Variants in ESRRG observed in about 807,000 individuals in gnomAD.
The protein encoded by ESRRG is estrogen related receptor gamma.
Under a neutral mutation model 44.0 loss-of-function variants are expected in ESRRG, and 13 were observed. That is an observed-to-expected ratio of 0.30 (90% CI 0.19 to 0.47). ESRRG has a LOEUF of 0.47. Among genes scored for constraint, ESRRG ranks in the 20% least tolerant of loss-of-function variants. The pLI, the probability that ESRRG is intolerant of heterozygous loss-of-function variation, is 1.00. For synonymous variants in ESRRG, 215 were observed against 214.6 expected (o/e 1.00, Z -0.02); for missense variants, 395 against 580.6 (o/e 0.68, Z 3.29).
At chr1:216,930,174 C>G (rs190868123) in intron 2 of ESRRG, among the ~76,000 whole-genome samples, 1 of 152,252 alleles carries the variant, frequency 6.6e-6, no homozygotes, top group East Asian at 1.9e-4. Context: ...CCTTATTTTT[C>G]TCTTGCATCT....
At chr1:216,809,325 TAAAAAA>T (rs201618241) in intron 2 of ESRRG, among the ~76,000 whole-genome samples, 24 of 119,118 alleles carry the variant, frequency 2.0e-4, no homozygotes, top group African/African-American at 7.0e-4. Flanking sequence ...TTTTTTACAG[TAAAAAA>T]AAAAAAAAAA....
chr1:216,771,508 C>G lies in ESRRG; in HGVS notation c.-13-94017G>C, dbSNP rs149861183. Among the ~76,000 whole-genome samples, 10 of 152,198 alleles carry G rather than the reference C, an allele frequency of 6.6e-5. No individual in the cohort carries two copies. In the East Asian group the frequency reaches 1.9e-3, roughly 29 times the overall value. On this transcript the variant is annotated intron_variant, in intron 2 of 7. Coordinates refer to the ESRRG transcript ENST00000359162. ...TTCTAATGGTGTGTGAAATATACAT[C>G]TAAACTCAGAATTTGTCAAAATTTT...
chr1:216,968,317 T>G (rs2070883207), intron 1 of ESRRG, among the ~76,000 whole-genome samples: 1 of 152,156 alleles, frequency 6.6e-6, no homozygotes, highest in Non-Finnish European at 1.5e-5. Flanking sequence ...CCCAAAGTCA[T>G]TTACATTTTC....
At chr1:216,706,533 T>C (rs926402484) in intron 1 of ESRRG, among the ~76,000 whole-genome samples, 5 of 152,206 alleles carry the variant, frequency 3.3e-5, no homozygotes, top group Admixed American at 6.5e-5. Context: ...TTTGCAATCC[T>C]GTAATACTAT....
intron 1 of ESRRG, among the ~76,000 whole-genome samples, chr1:216,958,458 T>G (rs1266654502): frequency 1.3e-5 from 2 of 152,096 alleles, no homozygotes; most frequent in African/African-American, 4.8e-5. Flanking sequence ...ATATTGTTCG[T>G]TTTAATTTTG....
At chr1:217,120,294 C>G (rs2092802499) in intron 1 of ESRRG, among the ~76,000 whole-genome samples, 1 of 151,454 alleles carries the variant, frequency 6.6e-6, no homozygotes, top group Admixed American at 6.6e-5. Flanking sequence ...ATACCTAATC[C>G]TAGAAATATT....
intron 2 of ESRRG, among the ~76,000 whole-genome samples, chr1:216,808,077 C>A (rs564491806): frequency 2.6e-5 from 4 of 152,252 alleles, no homozygotes; most frequent in Admixed American, 2.6e-4. Flanking sequence ...AACCTCCGTT[C>A]CAGTGTGGAA....
At chr1:217,128,297 C>T (rs1490918246) in intron 1 of ESRRG, among the ~76,000 whole-genome samples, 1 of 152,202 alleles carries the variant, frequency 6.6e-6, no homozygotes, top group Non-Finnish European at 1.5e-5. Flanking sequence ...ATAAGCAAAG[C>T]CTTTACATTT....
At chr1:216,684,365 T>C (rs1181494380) in intron 1 of ESRRG, among the ~76,000 whole-genome samples, 1 of 152,254 alleles carries the variant, frequency 6.6e-6, no homozygotes, top group African/African-American at 2.4e-5. Context: ...TTCGATCTGA[T>C]GCAGAGGCGC....
At chr1:216,630,631 T>C (rs77866922) in intron 3 of ESRRG, among the ~76,000 whole-genome samples, 2 of 152,192 alleles carry the variant, frequency 1.3e-5, no homozygotes, top group East Asian at 3.9e-4. Context: ...TAAAAAGAAT[T>C]AATGCAGTCA....
intron 1 of ESRRG, among the ~76,000 whole-genome samples, chr1:216,969,235 T>C (rs947923241): frequency 2.0e-5 from 3 of 152,142 alleles, no homozygotes; most frequent in Admixed American, 2.0e-4. Flanking sequence ...CACCTTCCAG[T>C]GAGGAGAATA....
chr1:216,784,763 C>T (rs2094062834), intron 2 of ESRRG, among the ~76,000 whole-genome samples: 1 of 151,890 alleles, frequency 6.6e-6, no homozygotes, highest in African/African-American at 2.4e-5. Flanking sequence ...AAAAGCTTAC[C>T]AGTTGGTTAG....
intron 3 of ESRRG, among the ~76,000 whole-genome samples, chr1:216,576,587 C>T (rs2061722254): frequency 6.6e-6 from 1 of 152,010 alleles, no homozygotes. Context: ...GGACATAACC[C>T]CAAAGAAGTC....
chr1:216,658,341 C>T (rs1461453194), intron 2 of ESRRG, among the ~76,000 whole-genome samples: 3 of 152,126 alleles, frequency 2.0e-5, no homozygotes, highest in Non-Finnish European at 4.4e-5. Context: ...AACTTTTCCC[C>T]TAACTTTGTA....
chr1:216,712,304 A>C (rs987969341), intron 1 of ESRRG, among the ~76,000 whole-genome samples: 2 of 152,216 alleles, frequency 1.3e-5, no homozygotes, highest in African/African-American at 4.8e-5. Context: ...GCTTCATTCC[A>C]AGTGCCAAGA....
intron 1 of ESRRG, among the ~76,000 whole-genome samples, chr1:217,032,223 C>T (rs2082177535): frequency 1.3e-5 from 2 of 152,148 alleles, no homozygotes; most frequent in African/African-American, 2.4e-5. Flanking sequence ...CTTTCCTTGC[C>T]TTTTAACTAC....
At chr1:217,041,098 C>T (rs1174556404) in intron 1 of ESRRG, among the ~76,000 whole-genome samples, 2 of 152,124 alleles carry the variant, frequency 1.3e-5, no homozygotes, top group Non-Finnish European at 1.5e-5. Flanking sequence ...TTAAAATTCT[C>T]CACAGAGTGG....
intron 3 of ESRRG, among the ~76,000 whole-genome samples, chr1:216,625,612 G>A (rs1191933624): frequency 5.9e-5 from 9 of 152,110 alleles, no homozygotes; most frequent in Non-Finnish European, 1.3e-4. Flanking sequence ...AAACTCTGGA[G>A]TAGACTGCTC....
At chr1:216,954,357 C>G (rs955753912) in intron 1 of ESRRG, among the ~76,000 whole-genome samples, 4 of 152,116 alleles carry the variant, frequency 2.6e-5, no homozygotes, top group African/African-American at 9.7e-5. Flanking sequence ...TAAAGATACT[C>G]AAGAACTCCC....
Sources: allele counts gnomAD v4.1 joint callset (sites outside exome capture counted in the v4.1 genomes callset), GRCh38; gene constraint gnomAD v4.1.1; transcripts MANE v1.5; gene names NCBI Gene and HGNC (gene_info 2026-07-23, HGNC 2026-07-21).